Variants in GPRIN1 observed in about 807,000 individuals in gnomAD.
GPRIN1 encodes G protein regulated inducer of neurite outgrowth 1, also known as G protein-regulated inducer of neurite outgrowth 1.
Under a neutral mutation model 2.8 loss-of-function variants are expected in GPRIN1, and 4 were observed. That is an observed-to-expected ratio of 1.45 (90% CI 0.71 to 3.32). The LOEUF (loss-of-function observed/expected upper bound fraction) is 3.32. GPRIN1 is among the 30% of genes most tolerant of loss of function. The pLI, the probability that GPRIN1 is intolerant of heterozygous loss-of-function variation, is 0.01. For missense variants in GPRIN1, 1,322 were observed against 1,343.4 expected (o/e 0.98, Z 0.25); for synonymous variants, 589 against 589.9 (o/e 1.00, Z 0.02).
At position 176,596,209 on chromosome 5, in the gene GPRIN1, G is replaced by GAGAT. The variant is rs1265665491; in HGVS notation, c.*595_*598dup. On this transcript the variant is annotated 3_prime_UTR_variant, in exon 2 of 2. Transcript: ENST00000303991. The surrounding 1 kb of genome is among the most constrained non-coding windows in gnomAD (Gnocchi z 5.2). ...GATGGGGCTGGAACCAGGCGGGTGGGAGATAGGAACTGGGGAAGGACCACC... is the reference window on the plus strand; with the variant it reads ...GATGGGGCTGGAACCAGGCGGGTGGGAGATAGATAGGAACTGGGGAAGGACCACC... 1.3e-5 allele frequency: 2 copies of GAGAT among 152,570 alleles called. No homozygotes were observed. The highest frequency in any genetic ancestry group is 4.1e-4 in the South Asian group (2 of 4,840). The allele number at this position is 152,570 out of a possible 1,614,324, so 9.5% of individuals were successfully genotyped here. A position where few individuals can be genotyped will look rare whatever the true frequency, so the allele number is the denominator to read the frequency against.
rs34871672 is a variant in GPRIN1 at position 176,598,469 on chromosome 5, C to G, written c.1366G>C (p.Glu456Gln). ...TCCCTTCTGGAGGACACCGGGTCCT[C>G]TTTTCCTGGGGATACAGTTCCTGCC... ...GKAGTVSPGK[E>Q]DPVSSRREDP... The change falls in exon 2 of 2, where the codon GAG (glutamate) becomes CAG (glutamine). Residue 456 changes from glutamate to glutamine, a missense_variant. By Grantham distance (29) the Glu-to-Gln change is conservative. This residue lies in a region of GPRIN1 where 1,117 missense variants were observed against 1,128.6 expected (regional missense o/e 0.99). Transcript: ENST00000303991. The G allele has an allele frequency of 1.5e-4, 242 of 1,614,048 alleles. 1 individual carries two copies. The highest frequency in any genetic ancestry group is 3.3e-4 in the Middle Eastern group (2 of 6,084).
Position 176,598,921 on chromosome 5 carries a change from A to G in GPRIN1, c.914T>C (p.Met305Thr), listed in dbSNP as rs1450896670. The part of the protein sequence containing the change: ...GKADPMPLES[M>T]DSASTGKTEP... Reference sequence around the variant, plus strand: ...TGTCTTTCCTGTGGACGCAGAATCCATGCTTTCCAAGGGCATGGGATCTGC... The same window carrying G: ...TGTCTTTCCTGTGGACGCAGAATCCGTGCTTTCCAAGGGCATGGGATCTGC... The change falls in exon 2 of 2, where the codon ATG becomes ACG. Residue 305 changes from methionine (M) to threonine (T), a missense_variant. Physicochemically the swap from Met to Thr is moderately conservative, Grantham distance 81 (BLOSUM62 -1). This residue lies in a region of GPRIN1 where 1,117 missense variants were observed against 1,128.6 expected (regional missense o/e 0.99). Transcript: ENST00000303991. 1.9e-6 allele frequency: 3 copies of G among 1,613,890 alleles called. No individual in the cohort carries two copies. The highest frequency in any genetic ancestry group is 1.3e-5 in the African/African-American group (1 of 74,900).
In GPRIN1 at chr5:176,598,458, C is replaced by G; in HGVS notation, c.1377G>C (p.Val459=). 6.2e-7 allele frequency: 1 copy of G among 1,614,092 alleles called. No individual in the cohort carries two copies. The highest frequency in any genetic ancestry group is 2.2e-5 in the East Asian group (1 of 44,882). The part of the protein sequence containing the change: ...GTVSPGKEDP[V]SSRREDPISA... ...ATATGGGGTCCTCCCTTCTGGAGGA[C>G]ACCGGGTCCTCTTTTCCTGGGGATA... Residue 459 remains valine (V), a synonymous_variant, in exon 2 of 2, where the codon GTG becomes GTC. Transcript: ENST00000303991.
intron 1 of GPRIN1, among the ~76,000 whole-genome samples, chr5:176,605,904 G>A (rs1472020655): frequency 6.6e-6 from 1 of 152,190 alleles, no homozygotes; most frequent in African/African-American, 2.4e-5. Context: ...CTGGAAAACA[G>A]GAATTCAACA....
chr5:176,598,572 C>T lies in GPRIN1; in HGVS notation c.1263G>A (p.Leu421=), dbSNP rs777972931. The change falls in exon 2 of 2, where the codon CTG becomes CTA. Residue 421 remains leucine (L), a synonymous_variant. Coordinates refer to ENST00000303991, the MANE Select transcript of GPRIN1 (RefSeq NM_052899.3). ...CTGAGCACATGGGGTCCATCTTTCCCAGAGAAACTGGATCCACCTTGCCTG... is the reference window on the plus strand; with the variant it reads ...CTGAGCACATGGGGTCCATCTTTCCTAGAGAAACTGGATCCACCTTGCCTG... ...MSSGKVDPVS[L]GKMDPMCSGK... is the part of the protein sequence containing the mutation. 3 of 1,614,124 alleles carry T rather than the reference C, an allele frequency of 1.9e-6. No homozygotes were observed. Among genetic ancestry groups the T allele is most frequent in the Non-Finnish European group, 8.5e-7 (1 of 1,180,020 alleles).
In GPRIN1 at chr5:176,598,899, C is replaced by G. The variant is rs1759098007; in HGVS notation, c.936G>C (p.Lys312Asn). The G allele has an allele frequency of 6.2e-7, 1 of 1,614,172 alleles. No individual in the cohort carries two copies. The highest frequency in any genetic ancestry group is 8.5e-7 in the Non-Finnish European group (1 of 1,180,030). The change falls in exon 2 of 2, where the codon AAG becomes AAC. Residue 312 changes from lysine (K) to asparagine (N), a missense_variant. Lys to Asn is a moderately conservative substitution (Grantham distance 94). Around this residue, in one of 3 missense-constraint regions of GPRIN1, gnomAD observed 1,117 missense variants for 1,128.6 expected, o/e 0.99. Coordinates refer to ENST00000303991, the MANE Select transcript of GPRIN1 (RefSeq NM_052899.3). ...LESMDSASTGKTEPGLLGKLI... is the reference protein window; with the variant it reads ...LESMDSASTGNTEPGLLGKLI... ...GCTTGCCCAGGAGCCCCGGCTCTGT[C>G]TTTCCTGTGGACGCAGAATCCATGC... is the stretch of plus-strand genomic sequence containing the variant.
chr5:176,605,300 G>T (rs1218256778), intron 1 of GPRIN1, among the ~76,000 whole-genome samples: 1 of 151,894 alleles, frequency 6.6e-6, no homozygotes, highest in East Asian at 1.9e-4. Context: ...TCACCGTGTT[G>T]GCCAGGGTGG....
chr5:176,595,969 G>A lies in GPRIN1; in HGVS notation c.*839C>T, dbSNP rs1019714750. The A allele has an allele frequency of 7.3e-6, 2 of 275,270 alleles. No homozygotes were observed. Among genetic ancestry groups the A allele is most frequent in the Admixed American group, 1.1e-4 (2 of 18,936 alleles). The allele number at this position is 275,270 out of a possible 1,614,324, so 17.1% of individuals were successfully genotyped here. A position where few individuals can be genotyped will look rare whatever the true frequency, so the allele number is the denominator to read the frequency against. On this transcript the variant is annotated 3_prime_UTR_variant, in exon 2 of 2. Coordinates refer to ENST00000303991, the MANE Select transcript of GPRIN1 (RefSeq NM_052899.3). Reference sequence around the variant, plus strand: ...CCTTTAAAAGACAACTGTGGTTATAGAATGAGCTCTCTGTCCTGTCCCCAA... The same window carrying A: ...CCTTTAAAAGACAACTGTGGTTATAAAATGAGCTCTCTGTCCTGTCCCCAA...
rs1459094280 is a variant in GPRIN1 at position 176,598,773 on chromosome 5, A to C, written c.1062T>G (p.Asp354Glu). 2 of 1,613,500 alleles carry C rather than the reference A, an allele frequency of 1.2e-6. No homozygotes were observed. The highest frequency in any genetic ancestry group is 1.7e-5 in the Admixed American group (1 of 60,010). Reference sequence around the variant, plus strand: ...TTTCTACATTTCCCACAGATGCGGGATCTGCCATCCCCAAGCATGTGGGAT... The same window carrying C: ...TTTCTACATTTCCCACAGATGCGGGCTCTGCCATCCCCAAGCATGTGGGAT... ...RLDPTCLGMA[D>E]PASVGNVETV... The change falls in exon 2 of 2, where the codon GAT (aspartate) becomes GAG (glutamate). Residue 354 changes from aspartate to glutamate, a missense_variant. Transcript: ENST00000303991.
Position 176,597,713 on chromosome 5 carries a change from C to G in GPRIN1, c.2122G>C (p.Gly708Arg). 1.3e-6 allele frequency: 2 copies of G among 1,595,856 alleles called. No homozygotes were observed. Among genetic ancestry groups the G allele is most frequent in the Non-Finnish European group, 1.7e-6 (2 of 1,170,880 alleles). ...TCCAGACTCAGGGGGACCACCTTCC[C>G]CAAGGATGGGGACTCCGTTTTTCTG... ...PSRKTESPSL[G>R]KVVPLSLEKT... The change falls in exon 2 of 2, where the codon GGG becomes CGG. Residue 708 changes from glycine to arginine, a missense_variant. Physicochemically the swap from Gly to Arg is moderately radical, Grantham distance 125. Transcript: ENST00000303991. The surrounding 1 kb of genome is among the most constrained non-coding windows in gnomAD (Gnocchi z 6.1).
chr5:176,597,409 C>T lies in GPRIN1; in HGVS notation c.2426G>A (p.Arg809His). 1 of 1,292,768 alleles carries T rather than the reference C, an allele frequency of 7.7e-7. No individual in the cohort carries two copies. Among genetic ancestry groups the T allele is most frequent in the Non-Finnish European group, 9.8e-7 (1 of 1,025,154 alleles). 80.1% of individuals were successfully genotyped at this position (1,292,768 alleles called of 1,614,324 possible). The part of the protein sequence containing the change: ...SWEASAPPPP[R>H]EDAGTQAGAQ... ...GCCCGCCTGAGTGCCCGCGTCCTCGCGCGGCGGCGGCGGGGCGCTCGCCTC... is the reference window on the plus strand; with the variant it reads ...GCCCGCCTGAGTGCCCGCGTCCTCGTGCGGCGGCGGCGGGGCGCTCGCCTC... The change falls in exon 2 of 2, where the codon CGC (arginine) becomes CAC (histidine). Residue 809 changes from arginine to histidine, a missense_variant. By Grantham distance (29) the Arg-to-His change is conservative. Transcript: ENST00000303991. This position sits in a 1 kb window ranked among gnomAD's most constrained non-coding sequence, Gnocchi z 6.1.
At chr5:176,601,693 C>T (rs541452618) in intron 1 of GPRIN1, among the ~76,000 whole-genome samples, 1 of 152,278 alleles carries the variant, frequency 6.6e-6, no homozygotes, top group South Asian at 2.1e-4. Context: ...GCAAATAGAG[C>T]TCCTGATCCC....
rs142779818 is a variant in GPRIN1 at position 176,599,118 on chromosome 5, TCTCAAAGACCCAGGATCCTCCTTC to T, written c.693_716del (p.Glu233_Lys240del). On this transcript the variant is annotated inframe_deletion, in exon 2 of 2. Transcript: ENST00000303991. ...TGTCTGAGGACACAGGATCCACCTT[TCTCAAAGACCCAGGATCCTCCTTC>T]CTCGGTGACACTGTATACGTCTTGC... is the stretch of plus-strand genomic sequence containing the variant. 2.1e-5 allele frequency: 30 copies of T among 1,444,944 alleles called. No homozygotes were observed. The highest frequency in any genetic ancestry group is 9.5e-5 in the South Asian group (8 of 83,958). 89.5% of individuals were successfully genotyped at this position (1,444,944 alleles called of 1,614,324 possible).
At position 176,599,347 on chromosome 5, in the gene GPRIN1, G is replaced by A. The variant is rs780393685; in HGVS notation, c.488C>T (p.Ser163Phe). 5 of 1,614,202 alleles carry A rather than the reference G, an allele frequency of 3.1e-6. No homozygotes were observed. Among genetic ancestry groups the A allele is most frequent in the Admixed American group, 3.3e-5 (2 of 60,030 alleles). ...AGGATCCTCCTTTCCTATGGAAGTG[G>A]AATCGGCCTGCTTTGAGGACTTGAA... is the stretch of plus-strand genomic sequence containing the variant. ...MDFKSSKQAD[S>F]TSIGKEDPGS... Residue 163 changes from serine to phenylalanine, a missense_variant, in exon 2 of 2, where the codon TCC becomes TTC. By Grantham distance (155) the Ser-to-Phe change is radical. Transcript: ENST00000303991.
intron 1 of GPRIN1, among the ~76,000 whole-genome samples, chr5:176,600,594 A>G (rs1051625643): frequency 6.6e-6 from 1 of 152,184 alleles, no homozygotes; most frequent in Non-Finnish European, 1.5e-5. Context: ...GGTGGGGACT[A>G]TGGCAAATTA....
intron 1 of GPRIN1, among the ~76,000 whole-genome samples, chr5:176,601,523 G>A (rs964041748): frequency 5.3e-5 from 8 of 152,128 alleles, no homozygotes; most frequent in Non-Finnish European, 1.0e-4. Context: ...GCTAGGGTGA[G>A]GGCTGCTGGG....
At position 176,597,622 on chromosome 5, in the gene GPRIN1, G is replaced by C. The variant is rs1759067121; in HGVS notation, c.2213C>G (p.Pro738Arg). The C allele has an allele frequency of 1.9e-6, 3 of 1,600,910 alleles. No homozygotes were observed. The African/African-American group carries it at 4.0e-5, about 21-fold the overall frequency. ...DRKALGSARS[P>R]EGARGSEGRV... ...GCCTTCACTGCCCCTGGCACCCTCG[G>C]GAGACCGGGCTGAGCCGAGGGCTTT... is the stretch of plus-strand genomic sequence containing the variant. The change falls in exon 2 of 2, where the codon CCC (proline) becomes CGC (arginine). Residue 738 changes from proline to arginine, a missense_variant. Pro to Arg is a moderately radical substitution (Grantham distance 103). Transcript: ENST00000303991. This position sits in a 1 kb window ranked among gnomAD's most constrained non-coding sequence, Gnocchi z 6.1.
chr5:176,609,977 C>A (rs1316842209), intron 1 of GPRIN1, 22 bp downstream of exon 1: 2 of 151,870 alleles, frequency 1.3e-5, no homozygotes, highest in East Asian at 3.9e-4. Flanking sequence ...GGAAAGACAG[C>A]GGGTGTGGGC....
chr5:176,600,074 AC>A (rs1238597069), intron 1 of GPRIN1, among the ~76,000 whole-genome samples, 197 bp from the exon 2 acceptor site: 8 of 152,184 alleles, frequency 5.3e-5, no homozygotes, highest in Admixed American at 5.2e-4. Context: ...AAGACGTCTT[AC>A]AAGGCATTCA....
Sources: allele counts gnomAD v4.1 joint callset (sites outside exome capture counted in the v4.1 genomes callset), GRCh38; gene constraint gnomAD v4.1.1; regional missense constraint gnomAD v4.1.1; non-coding constraint Gnocchi (gnomAD v3.1); transcripts MANE v1.5; gene names NCBI Gene and HGNC (gene_info 2026-07-23, HGNC 2026-07-21).